Variants in KCNMA1 observed in about 807,000 individuals in gnomAD.
The protein encoded by KCNMA1 is Calcium-activated potassium channel subunit alpha-1.
KCNMA1 carries 29 observed loss-of-function variants against 140.0 expected under a neutral mutation model. The observed-to-expected ratio is 0.21, with a 90% CI of 0.15 to 0.28. KCNMA1 has a LOEUF of 0.28. KCNMA1 is among the 10% of genes least tolerant of loss of function. KCNMA1 has a pLI of 1.00. For missense variants in KCNMA1, 880 were observed against 1,602.2 expected (o/e 0.55, Z 7.70); for synonymous variants, 612 against 611.9 (o/e 1.00, Z 0.00).
chr10:77,305,263 G>A (rs1405989598), intron 2 of KCNMA1, among the ~76,000 whole-genome samples: 1 of 152,126 alleles, frequency 6.6e-6, no homozygotes, highest in Non-Finnish European at 1.5e-5. Flanking sequence ...CACTCTATCA[G>A]CTTACCTTAA....
At chr10:77,180,240 A>G (rs896960770) in intron 5 of KCNMA1, among the ~76,000 whole-genome samples, 1 of 152,240 alleles carries the variant, frequency 6.6e-6, no homozygotes, top group Non-Finnish European at 1.5e-5. Context: ...GCCCCTATTT[A>G]ATGGGATTAT....
At chr10:76,937,780 C>T (rs2060934842) in intron 23 of KCNMA1, among the ~76,000 whole-genome samples, 1 of 152,156 alleles carries the variant, frequency 6.6e-6, no homozygotes, top group African/African-American at 2.4e-5. Flanking sequence ...AAATGTCATT[C>T]CCTACTTGAG....
chr10:77,118,083 T>C (rs746990547), intron 6 of KCNMA1, among the ~76,000 whole-genome samples: 56 of 152,236 alleles, frequency 3.7e-4, no homozygotes, highest in Non-Finnish European at 7.3e-4. Flanking sequence ...AAATCATTAT[T>C]TCAAATTGCA....
chr10:77,097,987 A>G (rs2096979420), intron 9 of KCNMA1, among the ~76,000 whole-genome samples: 1 of 152,210 alleles, frequency 6.6e-6, no homozygotes, highest in African/African-American at 2.4e-5. Flanking sequence ...TGGCAGCCCC[A>G]GTGGGGAATA....
chr10:77,392,633 G>A (rs1432833977), intron 2 of KCNMA1, among the ~76,000 whole-genome samples: 3 of 152,228 alleles, frequency 2.0e-5, no homozygotes, highest in African/African-American at 7.2e-5. Flanking sequence ...CCGAGCAGGT[G>A]CTCCAGAATG....
At chr10:77,215,873 C>A (rs1021290291) in intron 3 of KCNMA1, among the ~76,000 whole-genome samples, 4 of 151,266 alleles carry the variant, frequency 2.6e-5, no homozygotes, top group South Asian at 2.1e-4. Context: ...CCCTCCCCCC[C>A]ACCTGTCTCT....
In KCNMA1 at chr10:77,161,426, G is replaced by A. The variant is rs77496213; in HGVS notation, c.808+21995C>T. On this transcript the variant is annotated intron_variant, in intron 5 of 27. Coordinates refer to ENST00000286628, the MANE Select transcript of KCNMA1 (RefSeq NM_001161352.2). ...CCACGCCCAACTACTTTTTTTTTTTGTAGGGATGGGGTCTCACTATGTTGC... is the reference window on the plus strand; with the variant it reads ...CCACGCCCAACTACTTTTTTTTTTTATAGGGATGGGGTCTCACTATGTTGC... Among the ~76,000 whole-genome samples, 5 of 149,746 alleles carry A rather than the reference G, an allele frequency of 3.3e-5. No homozygotes were observed. In the East Asian group the frequency reaches 5.9e-4, roughly 18 times the overall value.
chr10:77,197,030 A>G (rs1303055764), intron 3 of KCNMA1, among the ~76,000 whole-genome samples: 1 of 149,450 alleles, frequency 6.7e-6, no homozygotes, highest in Non-Finnish European at 1.5e-5. Context: ...GCCCTAAGGC[A>G]AAAAAAAAAT....
intron 23 of KCNMA1, among the ~76,000 whole-genome samples, chr10:76,937,915 G>T (rs1265539663): frequency 6.7e-6 from 1 of 150,260 alleles, no homozygotes; most frequent in African/African-American, 2.5e-5. Context: ...GTGTGCGTAT[G>T]TGTGTGTGTG....
chr10:77,194,028 C>G lies in KCNMA1; in HGVS notation c.603-9112G>C, dbSNP rs1009096312. On this transcript the variant is annotated intron_variant, in intron 3 of 27. Coordinates refer to ENST00000286628, the MANE Select transcript of KCNMA1 (RefSeq NM_001161352.2). ...AGGCTGATAAACAATAATCTATAAC[C>G]AGGGATAGCCAACAACCCCTAGCCA... 9.2e-5 allele frequency among the ~76,000 whole-genome samples: 14 copies of G among 152,118 alleles called. No homozygotes were observed. The East Asian group carries it at 2.7e-3, about 29-fold the overall frequency.
intron 1 of KCNMA1, among the ~76,000 whole-genome samples, chr10:77,459,838 T>C (rs1289922641): frequency 6.6e-6 from 1 of 152,240 alleles, no homozygotes; most frequent in African/African-American, 2.4e-5. Context: ...GGCGCACTAT[T>C]TGATCTCTCT....
intron 2 of KCNMA1, among the ~76,000 whole-genome samples, chr10:77,260,602 G>A (rs148212385): frequency 2.6e-5 from 4 of 152,254 alleles, no homozygotes; most frequent in Non-Finnish European, 5.9e-5. Flanking sequence ...CCAGCTACTG[G>A]GGAGGCTGAG....
At chr10:77,332,531 C>A (rs2154366996) in intron 2 of KCNMA1, among the ~76,000 whole-genome samples, 1 of 152,150 alleles carries the variant, frequency 6.6e-6, no homozygotes, top group African/African-American at 2.4e-5. Context: ...ACCTCCCCAC[C>A]TGCTGCTGTT....
At chr10:77,353,539 T>G (rs905551883) in intron 2 of KCNMA1, among the ~76,000 whole-genome samples, 3 of 152,068 alleles carry the variant, frequency 2.0e-5, no homozygotes, top group Admixed American at 2.0e-4. Flanking sequence ...TCTATCCACA[T>G]CATTCGTGCT....
At chr10:77,593,392 C>A (rs1458805386) in intron 1 of KCNMA1, among the ~76,000 whole-genome samples, 1 of 152,198 alleles carries the variant, frequency 6.6e-6, no homozygotes, top group Non-Finnish European at 1.5e-5. Flanking sequence ...TCTAACACTG[C>A]ATAATCAGTA....
At chr10:77,248,277 G>A (rs1467877118) in intron 3 of KCNMA1, among the ~76,000 whole-genome samples, 2 of 152,212 alleles carry the variant, frequency 1.3e-5, no homozygotes, top group Non-Finnish European at 2.9e-5. Context: ...TACATTAATC[G>A]GCATTCCTTG....
intron 3 of KCNMA1, among the ~76,000 whole-genome samples, chr10:77,192,542 G>A (rs528300243): frequency 6.6e-6 from 1 of 152,256 alleles, no homozygotes; most frequent in East Asian, 1.9e-4. Flanking sequence ...AGGATCTTAA[G>A]CAAATAATTT....
At chr10:77,264,754 C>T (rs185036160) in intron 2 of KCNMA1, among the ~76,000 whole-genome samples, 24 of 152,242 alleles carry the variant, frequency 1.6e-4, no homozygotes, top group African/African-American at 5.8e-4. Context: ...TGTCATAACC[C>T]GCCTGCATAT....
intron 2 of KCNMA1, among the ~76,000 whole-genome samples, chr10:77,278,328 G>T (rs1253893805): frequency 2.0e-5 from 3 of 152,108 alleles, no homozygotes; most frequent in Non-Finnish European, 2.9e-5. Flanking sequence ...TTTCCATATG[G>T]TTAAATGGAA....
Sources: gnomAD v4.1 joint callset for allele counts (sites outside exome capture counted in the v4.1 genomes callset) on GRCh38, gnomAD v4.1.1 for gene constraint, MANE v1.5 for transcripts, NCBI Gene and HGNC (gene_info 2026-07-23, HGNC 2026-07-21) for gene names.